ARHGEF3: variants seen among roughly 807,000 people sequenced by gnomAD.
The protein encoded by ARHGEF3 is Rho guanine nucleotide exchange factor 3.
ARHGEF3 carries 28 observed loss-of-function variants against 63.2 expected under a neutral mutation model. That is an observed-to-expected ratio of 0.44 (90% confidence interval 0.33 to 0.61). The LOEUF (loss-of-function observed/expected upper bound fraction) is 0.61. ARHGEF3 is among the 20% of genes least tolerant of loss of function. The pLI is 0.03. For missense variants in ARHGEF3, 533 were observed against 659.3 expected, an observed-to-expected ratio of 0.81 and a Z score of 2.10; for synonymous variants, 266 against 254.2, an observed-to-expected ratio of 1.05 and a Z score of -0.44.
chr3:56,821,962 CGAGAAGAGAAGAGAAGAGAA>C (rs11278622), intron 4 of ARHGEF3, among the ~76,000 whole-genome samples: 11,829 of 118,788 alleles, frequency 0.1, 631 homozygotes, highest in South Asian at 0.14. Context: ...GACTCTGTCT[CGAGAAGAGAAGAGAAGAGAA>C]GAGAAGAGAA....
intron 1 of ARHGEF3, among the ~76,000 whole-genome samples, chr3:57,036,560 T>A (rs962204102): frequency 1.3e-5 from 2 of 152,156 alleles, no homozygotes; most frequent in African/African-American, 2.4e-5. Flanking sequence ...TCCTCACCAC[T>A]CTGGGTGTGG....
chr3:56,922,686 G>A (rs999550366), intron 3 of ARHGEF3, among the ~76,000 whole-genome samples: 1 of 152,092 alleles, frequency 6.6e-6, no homozygotes, highest in Non-Finnish European at 1.5e-5. Flanking sequence ...TAATTTCTGG[G>A]AAAAACCATC....
At chr3:56,887,679 C>T (rs2040970531) in intron 3 of ARHGEF3, among the ~76,000 whole-genome samples, 2 of 152,332 alleles carry the variant, frequency 1.3e-5, no homozygotes, top group South Asian at 2.1e-4. Context: ...GACAGGTTCC[C>T]AGCCAATTTG....
At chr3:57,026,350 A>G (rs778271468) in intron 2 of ARHGEF3, among the ~76,000 whole-genome samples, 1 of 152,182 alleles carries the variant, frequency 6.6e-6, no homozygotes, top group Non-Finnish European at 1.5e-5. Context: ...GCAGTGATTC[A>G]TGATCACACC....
intron 1 of ARHGEF3, among the ~76,000 whole-genome samples, chr3:56,783,088 T>C (rs2036635616): frequency 6.6e-6 from 1 of 152,100 alleles, no homozygotes; most frequent in South Asian, 2.1e-4. Flanking sequence ...AGGAGGACAG[T>C]TGGCAGTTGG....
At chr3:57,059,010 G>C in intron 1 of ARHGEF3, among the ~76,000 whole-genome samples, 1 of 110,034 alleles carries the variant, frequency 9.1e-6, no homozygotes. Context: ...GGGGAGGGGG[G>C]AGGGATAGCA....
rs542927663 is a variant in ARHGEF3 at position 57,028,942 on chromosome 3, C to T, written c.62+6146G>A. On this transcript the variant is annotated intron_variant, in intron 2 of 12. Coordinates refer to the ARHGEF3 transcript ENST00000338458. The stretch of plus-strand genomic sequence containing the variant: ...CAAATCTTCCAAGATGTTTTCCAAT[C>T]CATGCCTTTGGCCATTACAAGGGCA... 1.5e-4 allele frequency among the ~76,000 whole-genome samples: 22 copies of T among 150,868 alleles called. No individual in the cohort carries two copies. In the South Asian group the frequency reaches 4.2e-3, roughly 29 times the overall value.
chr3:57,052,452 A>G (rs940336542), intron 1 of ARHGEF3, among the ~76,000 whole-genome samples: 1 of 152,024 alleles, frequency 6.6e-6, no homozygotes, highest in Non-Finnish European at 1.5e-5. Context: ...AACCACCACC[A>G]TGCCCGGCTA....
At chr3:56,920,190 T>C (rs1039370308) in intron 3 of ARHGEF3, among the ~76,000 whole-genome samples, 6 of 152,174 alleles carry the variant, frequency 3.9e-5, no homozygotes, top group African/African-American at 1.4e-4. Context: ...TTTCAGTATA[T>C]AGAGTTGAAT....
Position 57,020,017 on chromosome 3 carries a change from G to A in ARHGEF3, c.62+15071C>T, listed in dbSNP as rs192828462. Among the ~76,000 whole-genome samples, 5 of 152,294 alleles carry A rather than the reference G, an allele frequency of 3.3e-5. No homozygotes were observed. The East Asian group carries it at 9.6e-4, about 29-fold the overall frequency. On this transcript the variant is annotated intron_variant, in intron 2 of 12. Coordinates refer to the ARHGEF3 transcript ENST00000338458. Reference sequence around the variant, plus strand: ...AGGTTCAAGTGATTCTCCTGCCTCAGCCTCCCAAGTAGCTGGGACTACAGG... The same window carrying A: ...AGGTTCAAGTGATTCTCCTGCCTCAACCTCCCAAGTAGCTGGGACTACAGG...
At position 56,926,153 on chromosome 3, in the gene ARHGEF3, G is replaced by A. The variant is rs542314829; in HGVS notation, c.129+32670C>T. Among the ~76,000 whole-genome samples the A allele has an allele frequency of 3.3e-5, 5 of 152,336 alleles. No homozygotes were observed. The East Asian group carries it at 9.6e-4, about 29-fold the overall frequency. On this transcript the variant is annotated intron_variant, in intron 3 of 12. Transcript: ENST00000338458. ...CATTCTCAGGGTCTCCCCAATGACA[G>A]TGCCATTCCAGCTGGTTGTCAGTGA... is the stretch of plus-strand genomic sequence containing the variant.
At chr3:56,819,057 T>G (rs1186044890) in intron 4 of ARHGEF3, among the ~76,000 whole-genome samples, 1 of 152,222 alleles carries the variant, frequency 6.6e-6, no homozygotes, top group African/African-American at 2.4e-5. Context: ...AATTTTTTTA[T>G]ACTTGTATTC....
At chr3:56,962,264 AC>A (rs1700312379) in intron 2 of ARHGEF3, among the ~76,000 whole-genome samples, 1 of 152,186 alleles carries the variant, frequency 6.6e-6, no homozygotes, top group African/African-American at 2.4e-5. Flanking sequence ...CCAGGTCCTC[AC>A]CAAAGGAGGG....
intron 3 of ARHGEF3, among the ~76,000 whole-genome samples, chr3:56,911,516 C>T (rs772751144): frequency 2.6e-5 from 4 of 152,048 alleles, no homozygotes; most frequent in Admixed American, 1.3e-4. Flanking sequence ...GTTTCTGTCC[C>T]GGTGAACAGC....
intron 3 of ARHGEF3, among the ~76,000 whole-genome samples, chr3:56,886,780 T>A (rs2040939414): frequency 6.6e-6 from 1 of 152,204 alleles, no homozygotes; most frequent in Non-Finnish European, 1.5e-5. Context: ...ATAATGGTTA[T>A]CATCTCCATT....
intron 2 of ARHGEF3, among the ~76,000 whole-genome samples, chr3:57,003,262 G>T (rs1702330889): frequency 6.6e-6 from 1 of 151,514 alleles, no homozygotes; most frequent in Admixed American, 6.6e-5. Flanking sequence ...AATTACCTGG[G>T]TGTGGCGGCG....
rs543329515 is a variant in ARHGEF3, at chr3:56,845,128, A to C, written c.192+37164T>G. 2.6e-5 allele frequency among the ~76,000 whole-genome samples: 4 copies of C among 152,206 alleles called. No homozygotes were observed. In the South Asian group the frequency reaches 8.3e-4, roughly 32 times the overall value. ...TGAAGCCCTCAGTCCTTCAACCACA[A>C]GAAGCTGAATGCTGCCAACAGTCAT... On this transcript the variant is annotated intron_variant, in intron 4 of 12. Coordinates refer to the ARHGEF3 transcript ENST00000338458.
chr3:57,052,515 T>G (rs1704719835), intron 1 of ARHGEF3, among the ~76,000 whole-genome samples: 1 of 152,056 alleles, frequency 6.6e-6, no homozygotes, highest in African/African-American at 2.4e-5. Context: ...CAGGGTGGTC[T>G]CGAACTCCTG....
At position 56,990,582 on chromosome 3, in the gene ARHGEF3, G is replaced by A. The variant is rs542967528; in HGVS notation, c.63-31693C>T. ...GTAGTTTCCTAAAAGAGTTGGTATTGGTTATAAAATGGATCCCCCTTGACT... is the reference window on the plus strand; with the variant it reads ...GTAGTTTCCTAAAAGAGTTGGTATTAGTTATAAAATGGATCCCCCTTGACT... On this transcript the variant is annotated intron_variant, in intron 2 of 12. Transcript: ENST00000338458. 7.9e-5 allele frequency among the ~76,000 whole-genome samples: 12 copies of A among 152,138 alleles called. 1 individual carries two copies. The highest frequency in any genetic ancestry group is 6.3e-3 in the Middle Eastern group (2 of 316).
Sources: gnomAD v4.1 joint callset for allele counts (sites outside exome capture counted in the v4.1 genomes callset) on GRCh38, gnomAD v4.1.1 for gene constraint, MANE v1.5 for transcripts, NCBI Gene and HGNC (gene_info 2026-07-23, HGNC 2026-07-21) for gene names.